RANBP2: variants seen among roughly 807,000 people sequenced by gnomAD.
The protein encoded by RANBP2 is RAN binding protein 2.
In RANBP2, 57 loss-of-function variants were observed where a neutral mutation model predicts 303.6. The observed-to-expected ratio is 0.19, with a 90% CI of 0.15 to 0.23. RANBP2 has a LOEUF of 0.23. Ranked by LOEUF, RANBP2 falls within the 10% of genes least tolerant of loss-of-function variation. The pLI is 1.00. For synonymous variants in RANBP2, 1,167 were observed against 1,301.5 expected (o/e 0.90, Z 2.23); for missense variants, 3,138 against 3,780.8 (o/e 0.83, Z 4.46).
the RANBP2 span, chr2:109,616,464 G>A: frequency 5.9e-6 from 1 of 168,958 alleles, no homozygotes; most frequent in Non-Finnish European, 1.4e-5. Flanking sequence ...ACTCTTTCAA[G>A]AGTAACAAAA....
chr2:109,197,789 G>A, the RANBP2 span, among the ~76,000 whole-genome samples: 1 of 152,332 alleles, frequency 6.6e-6, no homozygotes, highest in African/African-American at 2.4e-5. Flanking sequence ...AGCCTGGCAT[G>A]AAATAGCAAA....
At chr2:108,778,822 G>A (rs2149320692) in intron 25 of RANBP2, among the ~76,000 whole-genome samples, 1 of 152,144 alleles carries the variant, frequency 6.6e-6, no homozygotes, top group Non-Finnish European at 1.5e-5. Flanking sequence ...GACCTCCTGG[G>A]CTCTAAAGCA....
At chr2:109,363,371 C>T in the RANBP2 span, among the ~76,000 whole-genome samples, 3 of 152,112 alleles carry the variant, frequency 2.0e-5, no homozygotes, top group Non-Finnish European at 2.9e-5. Flanking sequence ...TTTCTCCCTC[C>T]TGTTCCTTGT....
chr2:108,877,299 C>G, the RANBP2 span, among the ~76,000 whole-genome samples: 2 of 70,562 alleles, frequency 2.8e-5, no homozygotes, highest in Middle Eastern at 7.6e-3. Flanking sequence ...GAAACCCCGT[C>G]TCTACAAAAA....
chr2:109,411,823 C>G, the RANBP2 span, among the ~76,000 whole-genome samples: 7,648 of 152,324 alleles, frequency 0.05, 358 homozygotes, highest in African/African-American at 0.12. Flanking sequence ...TCTCTCTGCT[C>G]TTCATTCCAG....
At chr2:109,374,117 C>T in the RANBP2 span, among the ~76,000 whole-genome samples, 9 of 152,174 alleles carry the variant, frequency 5.9e-5, no homozygotes, top group Non-Finnish European at 1.0e-4. Context: ...TGCCCCCACA[C>T]CCCCTCACAG....
At chr2:109,578,957 G>C in the RANBP2 span, among the ~76,000 whole-genome samples, 1 of 151,942 alleles carries the variant, frequency 6.6e-6, no homozygotes, top group African/African-American at 2.4e-5. Flanking sequence ...CAGGAAAAAA[G>C]AAAAGCATAA....
chr2:109,041,525 A>ATTTT, the RANBP2 span, among the ~76,000 whole-genome samples: 11 of 142,050 alleles, frequency 7.7e-5, no homozygotes, highest in African/African-American at 2.1e-4. Context: ...ACGGATGTTA[A>ATTTT]TTTTTTTTTT....
At chr2:108,783,369 T>C (rs561987995) in intron 28 of RANBP2, among the ~76,000 whole-genome samples, 1 of 144,314 alleles carries the variant, frequency 6.9e-6, no homozygotes, top group Non-Finnish European at 1.5e-5. Context: ...AAAATCAAAT[T>C]TTCAGTACTT....
the RANBP2 span, among the ~76,000 whole-genome samples, chr2:109,647,884 A>G: frequency 0.048 from 7,245 of 152,308 alleles, 349 homozygotes; most frequent in East Asian, 0.2. Flanking sequence ...TTTGAGAACA[A>G]GCATCATTCC....
chr2:109,103,477 G>GA, the RANBP2 span, among the ~76,000 whole-genome samples: 31 of 152,214 alleles, frequency 2.0e-4, no homozygotes, highest in Admixed American at 2.0e-3. Flanking sequence ...GGGACAACTG[G>GA]AAGGCGGGTG....
At chr2:109,431,012 A>G in the RANBP2 span, among the ~76,000 whole-genome samples, 1 of 152,248 alleles carries the variant, frequency 6.6e-6, no homozygotes, top group African/African-American at 2.4e-5. Context: ...GGCAGATTTC[A>G]TATTAAGGCC....
chr2:108,959,184 C>G, the RANBP2 span, among the ~76,000 whole-genome samples: 1 of 152,174 alleles, frequency 6.6e-6, no homozygotes, highest in Non-Finnish European at 1.5e-5. Flanking sequence ...GCAGGTGGCC[C>G]GAGGAAAGCC....
chr2:108,752,417 G>A (rs908992625), intron 12 of RANBP2, among the ~76,000 whole-genome samples: 3 of 151,810 alleles, frequency 2.0e-5, no homozygotes, highest in African/African-American at 7.3e-5. Context: ...TCTAAAAATG[G>A]CAACTGTTAA....
chr2:108,732,138 A>G (rs1695212940), intron 4 of RANBP2, among the ~76,000 whole-genome samples: 1 of 152,180 alleles, frequency 6.6e-6, no homozygotes, highest in African/African-American at 2.4e-5. Flanking sequence ...TAAATTATAA[A>G]TGTATATTTG....
the RANBP2 span, among the ~76,000 whole-genome samples, chr2:109,106,321 A>G: frequency 6.6e-6 from 1 of 152,174 alleles, no homozygotes; most frequent in South Asian, 2.1e-4. Flanking sequence ...ACTACTAGCC[A>G]TGAATATAAA....
chr2:108,847,236 C>G, the RANBP2 span, among the ~76,000 whole-genome samples: 1 of 152,206 alleles, frequency 6.6e-6, no homozygotes, highest in Non-Finnish European at 1.5e-5. Context: ...TTATTTTCCA[C>G]TAGCGAATGT....
chr2:109,286,117 C>G, the RANBP2 span, among the ~76,000 whole-genome samples: 1 of 152,116 alleles, frequency 6.6e-6, no homozygotes, highest in Non-Finnish European at 1.5e-5. Flanking sequence ...GTGCTTGGAC[C>G]CTGCAGGCCT....
the RANBP2 span, among the ~76,000 whole-genome samples, chr2:109,126,010 G>A: frequency 6.6e-6 from 1 of 152,208 alleles, no homozygotes; most frequent in Non-Finnish European, 1.5e-5. Flanking sequence ...CATGTAAAAA[G>A]CAGCACTTCC....
Sources: gnomAD v4.1 joint callset for allele counts (sites outside exome capture counted in the v4.1 genomes callset) on GRCh38, gnomAD v4.1.1 for gene constraint, MANE v1.5 for transcripts, NCBI Gene and HGNC (gene_info 2026-07-23, HGNC 2026-07-21) for gene names.